The following PRKN variants were observed in gnomAD, a reference collection of about 807,000 sequenced individuals.
PRKN encodes parkin RBR E3 ubiquitin protein ligase, also known as E3 ubiquitin-protein ligase parkin.
Under a neutral mutation model 59.5 loss-of-function variants are expected in PRKN, and 56 were observed. That is an observed-to-expected ratio of 0.94 (90% CI 0.76 to 1.18). The LOEUF is 1.18. Ranked by LOEUF, PRKN falls within the 50% of genes most tolerant of loss-of-function variation. The pLI is 0.00. For missense variants in PRKN, 657 were observed against 596.4 expected (o/e 1.10, Z -1.06); for synonymous variants, 250 against 222.1 (o/e 1.13, Z -1.12).
At chr6:162,526,049 C>T (rs973608561) in intron 1 of PRKN, among the ~76,000 whole-genome samples, 1 of 151,922 alleles carries the variant, frequency 6.6e-6, no homozygotes, top group African/African-American at 2.4e-5. Context: ...CACTATGTTG[C>T]CTAGGTTGGT....
intron 1 of PRKN, among the ~76,000 whole-genome samples, chr6:162,706,054 C>T (rs1441165445): frequency 6.7e-6 from 1 of 149,566 alleles, no homozygotes; most frequent in East Asian, 2.0e-4. Context: ...TTTTAAAATG[C>T]AACTTTTAAT....
rs1346643916 is a variant in PRKN at position 161,774,426 on chromosome 6, ACACACACG to A, written c.871+11338_871+11345del. On this transcript the variant is annotated intron_variant, in intron 7 of 11. Transcript: ENST00000366898. ...CACACACACACACACACACACACAC[ACACACACG>A]GCGTGGCTAGGCAGGGCCATGTGGC... is the stretch of plus-strand genomic sequence containing the variant. Among the ~76,000 whole-genome samples the A allele has an allele frequency of 4.7e-3, 613 of 130,232 alleles. 6 individuals are homozygous for A. Among genetic ancestry groups the A allele is most frequent in the African/African-American group, 0.016 (577 of 35,162 alleles). The allele number at this position is 130,232 out of a possible 152,430, so 85.4% of individuals were successfully genotyped here.
intron 10 of PRKN, among the ~76,000 whole-genome samples, chr6:161,384,927 C>G (rs1411765428): frequency 1.3e-5 from 2 of 152,148 alleles, no homozygotes; most frequent in Non-Finnish European, 2.9e-5. Flanking sequence ...ATACACTTTT[C>G]TTTTCTTTTT....
At chr6:162,004,918 C>G (rs973945687) in intron 5 of PRKN, among the ~76,000 whole-genome samples, 1 of 152,134 alleles carries the variant, frequency 6.6e-6, no homozygotes, top group Non-Finnish European at 1.5e-5. Context: ...GAAGATAATG[C>G]TCTATTTGAA....
At chr6:162,268,463 T>G (rs1191358019) in intron 2 of PRKN, among the ~76,000 whole-genome samples, 5 of 152,148 alleles carry the variant, frequency 3.3e-5, no homozygotes, top group African/African-American at 1.2e-4. Context: ...CTTTCAGAAT[T>G]TTATAAATTG....
chr6:161,469,094 G>T (rs566046669), intron 9 of PRKN, among the ~76,000 whole-genome samples: 85 of 149,520 alleles, frequency 5.7e-4, no homozygotes, highest in South Asian at 1.0e-3. Flanking sequence ...TATGAATATG[G>T]TAGCATTCAT....
chr6:162,309,593 C>A (rs1184757392), intron 2 of PRKN, among the ~76,000 whole-genome samples: 1 of 151,990 alleles, frequency 6.6e-6, no homozygotes, highest in Non-Finnish European at 1.5e-5. Context: ...TTCGATTGTG[C>A]ACTGCAGATC....
At chr6:161,765,130 A>T (rs915108658) in intron 7 of PRKN, among the ~76,000 whole-genome samples, 1 of 152,216 alleles carries the variant, frequency 6.6e-6, no homozygotes, top group East Asian at 1.9e-4. Flanking sequence ...GTTAAGTGTT[A>T]TTATCCCCAA....
chr6:162,100,480 C>T lies in PRKN; in HGVS notation c.535-46306G>A, dbSNP rs371982677. Among the ~76,000 whole-genome samples, 148 of 149,182 alleles carry T rather than the reference C, an allele frequency of 9.9e-4. 1 individual carries two copies. The highest frequency in any genetic ancestry group is 3.4e-3 in the African/African-American group (139 of 40,666). ...TTTTTTTTTTTTTTAAGATAGATGT[C>T]GCTTTGTCACCCAGGCTGGAGTGCA... On this transcript the variant is annotated intron_variant, in intron 4 of 11. Transcript: ENST00000366898.
intron 1 of PRKN, among the ~76,000 whole-genome samples, chr6:162,671,479 T>A (rs1031323868): frequency 2.7e-4 from 36 of 132,252 alleles, no homozygotes; most frequent in African/African-American, 1.1e-3. Flanking sequence ...AGGCTGGCAA[T>A]AGAGCGAGAC....
At chr6:162,358,497 ACGTTTAAATG>A (rs1784973553) in intron 2 of PRKN, among the ~76,000 whole-genome samples, 2 of 152,154 alleles carry the variant, frequency 1.3e-5, no homozygotes, top group Non-Finnish European at 1.5e-5. Context: ...CTGACTGTAA[ACGTTTAAATG>A]CTACAAATTT....
chr6:162,708,555 A>G (rs927997663), intron 1 of PRKN, among the ~76,000 whole-genome samples: 1 of 152,264 alleles, frequency 6.6e-6, no homozygotes, highest in Non-Finnish European at 1.5e-5. Flanking sequence ...GTGATGAAAC[A>G]TTAAATGAAA....
intron 9 of PRKN, among the ~76,000 whole-genome samples, chr6:161,522,308 A>G (rs1778859485): frequency 6.6e-6 from 1 of 152,162 alleles, no homozygotes; most frequent in South Asian, 2.1e-4. Flanking sequence ...CTGAAGATGG[A>G]TATGTGCTGC....
intron 4 of PRKN, among the ~76,000 whole-genome samples, chr6:162,107,948 G>A (rs1331289477): frequency 6.6e-6 from 1 of 152,164 alleles, no homozygotes; most frequent in Non-Finnish European, 1.5e-5. Flanking sequence ...AAGGAGGAAG[G>A]AATGAAGGAA....
intron 1 of PRKN, among the ~76,000 whole-genome samples, chr6:162,616,798 G>A (rs984996877): frequency 7.2e-5 from 11 of 151,972 alleles, no homozygotes; most frequent in African/African-American, 2.4e-4. Flanking sequence ...GCTATACTTC[G>A]CAATATAATC....
chr6:161,606,046 G>A (rs1426169375), intron 7 of PRKN, among the ~76,000 whole-genome samples: 2 of 152,204 alleles, frequency 1.3e-5, no homozygotes, highest in Non-Finnish European at 2.9e-5. Context: ...TCGAGGAAAT[G>A]CAGAAGGTTT....
intron 5 of PRKN, among the ~76,000 whole-genome samples, chr6:161,986,491 CTTTT>C (rs66655962): frequency 7.2e-6 from 1 of 139,418 alleles, no homozygotes; most frequent in Non-Finnish European, 1.6e-5. Flanking sequence ...CTGCAGTGTC[CTTTT>C]TTTTTTTTTT....
chr6:162,668,616 G>A (rs1779197325), intron 1 of PRKN, among the ~76,000 whole-genome samples: 1 of 151,974 alleles, frequency 6.6e-6, no homozygotes, highest in Non-Finnish European at 1.5e-5. Flanking sequence ...AACCATCCAC[G>A]GTCAGACCAA....
At chr6:161,953,093 T>G (rs1780047160) in intron 6 of PRKN, among the ~76,000 whole-genome samples, 1 of 152,152 alleles carries the variant, frequency 6.6e-6, no homozygotes, top group African/African-American at 2.4e-5. Flanking sequence ...ATTCCTGACA[T>G]CTGAAGAAAT....
Sources: allele counts gnomAD v4.1 joint callset (sites outside exome capture counted in the v4.1 genomes callset), GRCh38; gene constraint gnomAD v4.1.1; transcripts MANE v1.5; gene names NCBI Gene and HGNC (gene_info 2026-07-23, HGNC 2026-07-21).